The following GARNL3 variants were observed in gnomAD, a reference collection of about 807,000 sequenced individuals.
The protein encoded by GARNL3 is GTPase activating Rap/RanGAP domain like 3.
GARNL3 carries 63 observed loss-of-function variants against 125.0 expected under a neutral mutation model. The ratio of observed to expected loss-of-function variants is 0.50; its 90% CI spans 0.41 to 0.62. GARNL3 has a LOEUF of 0.62. GARNL3 is among the 20% of genes least tolerant of loss of function. The probability of loss-of-function intolerance (pLI) is 0.00; values close to 1 mark genes in which losing one functional copy is unlikely to be tolerated. For missense variants in GARNL3, 994 were observed against 1,244.0 expected, an observed-to-expected ratio of 0.80 and a Z score of 3.02; for synonymous variants, 439 against 457.5, an observed-to-expected ratio of 0.96 and a Z score of 0.52.
chr9:127,343,271 G>A (rs1486567260), intron 14 of GARNL3, among the ~76,000 whole-genome samples: 1 of 152,068 alleles, frequency 6.6e-6, no homozygotes, highest in Non-Finnish European at 1.5e-5. Flanking sequence ...CAGGGATTGG[G>A]CCAGGCTAAC....
intron 2 of GARNL3, among the ~76,000 whole-genome samples, chr9:127,255,792 T>A (rs543286552): frequency 1.3e-5 from 2 of 152,306 alleles, no homozygotes; most frequent in African/African-American, 4.8e-5. Flanking sequence ...GGGTGGGTCC[T>A]GGGACATTGC....
At chr9:127,264,331 G>A (rs974101447), upstream of GARNL3, 2 of 230,814 alleles carry the variant, frequency 8.7e-6, no homozygotes, top group African/African-American at 2.3e-5. Context: ...TTTTTGGGGG[G>A]TGGGTAGCTG....
chr9:127,366,716 A>C (rs946230732), intron 22 of GARNL3: 54 of 152,224 alleles, frequency 3.5e-4, no homozygotes, highest in African/African-American at 1.3e-3. Context: ...ATTAATCCCA[A>C]AGAAAAAGAG....
intron 1 of GARNL3, among the ~76,000 whole-genome samples, chr9:127,225,656 C>T (rs1162773003): frequency 6.6e-6 from 1 of 151,184 alleles, no homozygotes; most frequent in East Asian, 2.0e-4. Context: ...CCCGCGGCTT[C>T]GGCGGGGCAT....
chr9:127,279,239 T>G (rs1275162037), intron 1 of GARNL3, among the ~76,000 whole-genome samples: 1 of 152,156 alleles, frequency 6.6e-6, no homozygotes, highest in African/African-American at 2.4e-5. Flanking sequence ...TTTCCATAAT[T>G]TATCTGCACC....
At chr9:127,339,211 G>T (rs1296975390) in intron 12 of GARNL3, among the ~76,000 whole-genome samples, 3 of 151,912 alleles carry the variant, frequency 2.0e-5, no homozygotes, top group Non-Finnish European at 4.4e-5. Context: ...GCAGGAGAAT[G>T]GTGTGAACCC....
At chr9:127,327,213 G>A (rs114317706) in intron 7 of GARNL3, among the ~76,000 whole-genome samples, 3,392 of 152,224 alleles carry the variant, frequency 0.022, 143 homozygotes, top group African/African-American at 0.078. Flanking sequence ...GAGGCGTTGC[G>A]GATACATCAG....
At chr9:127,262,007 G>A (rs566149433), upstream of GARNL3, among the ~76,000 whole-genome samples, 1 of 152,306 alleles carries the variant, frequency 6.6e-6, no homozygotes, top group African/African-American at 2.4e-5. Flanking sequence ...CAGGCTTGCT[G>A]AGTACATGGT....
exon 2 of GARNL3, chr9:127,243,248 C>T: frequency 7.3e-7 from 1 of 1,366,532 alleles, no homozygotes; most frequent in Non-Finnish European, 9.8e-7. Context: ...CCAGGTCAAC[C>T]TGTAAGTAAG....
intron 22 of GARNL3, among the ~76,000 whole-genome samples, chr9:127,374,992 A>G (rs1360255810): frequency 2.0e-5 from 3 of 152,208 alleles, no homozygotes; most frequent in Admixed American, 2.0e-4. Flanking sequence ...AATGGCTAAA[A>G]TGAAAACGAT....
chr9:127,304,863 A>T (rs900262430), intron 2 of GARNL3, among the ~76,000 whole-genome samples: 3 of 152,026 alleles, frequency 2.0e-5, no homozygotes. Context: ...ATAGCCAAAA[A>T]CCAGAAACAA....
intron 1 of GARNL3, among the ~76,000 whole-genome samples, chr9:127,235,905 TTGTTTTTGTTTGTA>T (rs1277166612): frequency 2.0e-5 from 3 of 152,130 alleles, no homozygotes; most frequent in African/African-American, 4.8e-5. Flanking sequence ...AGTTGAAAAT[TTGTTTTTGTTTGTA>T]TGTTTTTGTT....
Position 127,229,920 on chromosome 9 carries a change from T to C in GARNL3, c.-29+5582T>C, listed in dbSNP as rs892448823. Among the ~76,000 whole-genome samples the C allele has an allele frequency of 2.6e-5, 4 of 152,250 alleles. No homozygotes were observed. The East Asian group carries it at 5.8e-4, about 22-fold the overall frequency. On this transcript the variant is annotated intron_variant, in intron 1 of 10. Coordinates refer to the GARNL3 transcript ENST00000439286. ...TTGGCAACTCTGTTGGCTAAATATC[T>C]GATGTCAGCTCTGATAACTAACTAG... is the stretch of plus-strand genomic sequence containing the variant.
In GARNL3 at chr9:127,365,263, C is replaced by T. The variant is rs765783647; in HGVS notation, c.2095-37C>T. On this transcript the variant is annotated intron_variant, in intron 21 of 27. Transcript: ENST00000373387. The stretch of plus-strand genomic sequence containing the variant: ...AAAAGTCTTTTCACAGGGTCAGCAT[C>T]CAGCCTGCCCACTACCGTTGCCCGT... The T allele has an allele frequency of 1.9e-6, 3 of 1,564,940 alleles. No homozygotes were observed. The South Asian group carries it at 3.3e-5, about 17-fold the overall frequency.
chr9:127,332,195 AGTCACGAACAGCC>A (rs2131568361), intron 7 of GARNL3, 66 bp from the exon 8 acceptor site: 1 of 1,013,752 alleles, frequency 9.9e-7, no homozygotes, highest in African/African-American at 1.6e-5. Context: ...CATTGTGCTA[AGTCACGAACAGCC>A]CATCTCAAAA....
intron 1 of GARNL3, chr9:127,225,226 C>T (rs1375212134): frequency 3.9e-5 from 13 of 336,550 alleles, no homozygotes; most frequent in African/African-American, 2.3e-4. Context: ...AGGGGCGGGA[C>T]GTGGGCTGCG....
chr9:127,391,533 A>AAAAAAAAAAAAAAAAAAAAAAATAT, intron 27 of GARNL3, among the ~76,000 whole-genome samples: 1 of 75,868 alleles, frequency 1.3e-5, no homozygotes, highest in East Asian at 3.9e-4. Context: ...ACAAAAAAAA[A>AAAAAAAAAAAAAAAAAAAAAAATAT]ATATATATAT....
intron 2 of GARNL3, chr9:127,243,326 G>A: frequency 8.2e-7 from 1 of 1,219,846 alleles, no homozygotes; most frequent in Non-Finnish European, 1.1e-6. Flanking sequence ...TGTTTAGGAA[G>A]AATATACTTT....
intron 2 of GARNL3, among the ~76,000 whole-genome samples, chr9:127,306,841 C>T (rs898098457): frequency 7.9e-5 from 12 of 152,136 alleles, no homozygotes; most frequent in African/African-American, 1.7e-4. Context: ...GCCAAGATCA[C>T]GCCGCTGCAC....
Sources: allele counts gnomAD v4.1 joint callset (sites outside exome capture counted in the v4.1 genomes callset), GRCh38; gene constraint gnomAD v4.1.1; transcripts MANE v1.5; gene names NCBI Gene and HGNC (gene_info 2026-07-23, HGNC 2026-07-21).